LRRC7: variants seen among roughly 807,000 people sequenced by gnomAD.
LRRC7 encodes leucine-rich repeat-containing protein 7.
LRRC7 carries 23 observed loss-of-function variants against 175.7 expected under a neutral mutation model. The observed-to-expected ratio is 0.13, with a 90% CI of 0.09 to 0.19. The LOEUF (loss-of-function observed/expected upper bound fraction) is 0.19, where lower values mean the gene tolerates loss of function less well. Ranked by LOEUF, LRRC7 falls within the 10% of genes least tolerant of loss-of-function variation. The pLI, the probability that LRRC7 is intolerant of heterozygous loss-of-function variation, is 1.00. For synonymous variants in LRRC7, 685 were observed against 680.9 expected, an observed-to-expected ratio of 1.01 and a Z score of -0.09; for missense variants, 1,354 against 1,904.7, an observed-to-expected ratio of 0.71 and a Z score of 5.38.
At chr1:70,045,122 A>G (rs1174809785) in intron 22 of LRRC7, among the ~76,000 whole-genome samples, 1 of 152,098 alleles carries the variant, frequency 6.6e-6, no homozygotes, top group Non-Finnish European at 1.5e-5. Context: ...GTAGAATAAC[A>G]AAATCAAGAA....
In LRRC7 at chr1:70,111,639, T is replaced by C. The variant is rs1048302036; in HGVS notation, c.4620+3813T>C. On this transcript the variant is annotated intron_variant, in intron 26 of 26. Coordinates refer to ENST00000651989, the MANE Select transcript of LRRC7 (RefSeq NM_001370785.2). ...ATTATACATTTTATGATTCAAAATATATATGAATACAGAAAATCTAGTAAT... is the reference window on the plus strand; with the variant it reads ...ATTATACATTTTATGATTCAAAATACATATGAATACAGAAAATCTAGTAAT... 3.9e-5 allele frequency among the ~76,000 whole-genome samples: 6 copies of C among 152,166 alleles called. No homozygotes were observed. In the East Asian group the frequency reaches 9.6e-4, roughly 24 times the overall value.
At chr1:69,626,731 C>A (rs868437298) in intron 1 of LRRC7, among the ~76,000 whole-genome samples, 3 of 122,898 alleles carry the variant, frequency 2.4e-5, no homozygotes, top group South Asian at 3.2e-4. Flanking sequence ...CTCCTCCGCC[C>A]CCCCATGACA....
chr1:69,960,825 C>T (rs1303325657), intron 8 of LRRC7, among the ~76,000 whole-genome samples: 13 of 151,864 alleles, frequency 8.6e-5, no homozygotes. Context: ...GTTCAAGGAA[C>T]ATACCTCAAA....
chr1:69,962,775 G>A (rs1353245144), intron 8 of LRRC7, among the ~76,000 whole-genome samples: 2 of 152,042 alleles, frequency 1.3e-5, no homozygotes, highest in Non-Finnish European at 2.9e-5. Flanking sequence ...AGCTAAAAAT[G>A]AGAACACATG....
intron 23 of LRRC7, among the ~76,000 whole-genome samples, chr1:70,071,860 A>T (rs1662414407): frequency 6.6e-6 from 1 of 152,184 alleles, no homozygotes; most frequent in African/African-American, 2.4e-5. Context: ...TCTTTTTTAA[A>T]AGACCAGTGT....
chr1:70,102,201 G>A (rs925659679), intron 25 of LRRC7, among the ~76,000 whole-genome samples: 3 of 152,112 alleles, frequency 2.0e-5, no homozygotes, highest in Admixed American at 2.0e-4. Flanking sequence ...CATTTAGAAA[G>A]CCCTCCAGAT....
intron 1 of LRRC7, among the ~76,000 whole-genome samples, chr1:69,606,371 C>A (rs1261480114): frequency 2.0e-5 from 3 of 152,012 alleles, no homozygotes; most frequent in Non-Finnish European, 4.4e-5. Flanking sequence ...AGGATGAACC[C>A]TCCTCTAAAT....
At chr1:69,653,023 C>T (rs1656085871) in intron 1 of LRRC7, among the ~76,000 whole-genome samples, 1 of 151,984 alleles carries the variant, frequency 6.6e-6, no homozygotes, top group Non-Finnish European at 1.5e-5. Flanking sequence ...AAGCTTCTTG[C>T]CAATTGGTCT....
intron 7 of LRRC7, among the ~76,000 whole-genome samples, chr1:69,853,441 G>A (rs991642732): frequency 4.0e-5 from 6 of 151,720 alleles, no homozygotes; most frequent in Admixed American, 1.3e-4. Context: ...ACCACACCCC[G>A]CTAATTTTTG....
At chr1:70,046,076 A>G (rs1473994079) in intron 22 of LRRC7, among the ~76,000 whole-genome samples, 1 of 152,122 alleles carries the variant, frequency 6.6e-6, no homozygotes, top group Non-Finnish European at 1.5e-5. Flanking sequence ...GGCATGATGG[A>G]AGCTATTGCC....
intron 22 of LRRC7, among the ~76,000 whole-genome samples, chr1:70,050,031 A>C (rs1427935618): frequency 6.6e-6 from 1 of 152,056 alleles, no homozygotes; most frequent in African/African-American, 2.4e-5. Context: ...CATACTGTAC[A>C]CCCATCAATT....
At chr1:69,680,892 T>C (rs1660401886) in intron 2 of LRRC7, among the ~76,000 whole-genome samples, 1 of 152,062 alleles carries the variant, frequency 6.6e-6, no homozygotes, top group South Asian at 2.1e-4. Context: ...GAGATATTTA[T>C]ATTAAGTAGT....
Position 69,764,730 on chromosome 1 carries a change from C to CAGACAGATAGATAGATAGAT in LRRC7, c.303+4340_303+4341insCAGATAGATAGATAGATAGA, listed in dbSNP as rs1377304958. ...ATAGATAGGTAGGTAGATAGATAGA[C>CAGACAGATAGATAGATAGAT]AGATAGATAGATAGATAGATAGATA... On this transcript the variant is annotated intron_variant, in intron 3 of 26. Coordinates refer to ENST00000651989, the MANE Select transcript of LRRC7 (RefSeq NM_001370785.2). Among the ~76,000 whole-genome samples the CAGACAGATAGATAGATAGAT allele has an allele frequency of 2.0e-3, 282 of 140,408 alleles. 2 individuals are homozygous for CAGACAGATAGATAGATAGAT. The highest frequency in any genetic ancestry group is 6.7e-3 in the East Asian group (31 of 4,594). The allele number at this position is 140,408 out of a possible 152,430, so 92.1% of individuals were successfully genotyped here. A position where few individuals can be genotyped will look rare whatever the true frequency, so the allele number is the denominator to read the frequency against.
At chr1:69,787,375 T>C (rs1174220247) in intron 3 of LRRC7, among the ~76,000 whole-genome samples, 1 of 152,062 alleles carries the variant, frequency 6.6e-6, no homozygotes, top group Admixed American at 6.5e-5. Flanking sequence ...CACTAGGGGG[T>C]GCCCAAGGAG....
intron 7 of LRRC7, chr1:69,873,662 C>A: frequency 2.9e-6 from 1 of 346,366 alleles, no homozygotes; most frequent in South Asian, 2.4e-5. Context: ...GCGCTACCTG[C>A]TGATGGGGGC....
At chr1:69,986,467 A>G (rs1653943797) in intron 10 of LRRC7, 81 bp downstream of exon 10, 4 of 1,191,370 alleles carry the variant, frequency 3.4e-6, no homozygotes, top group Admixed American at 2.3e-5. Flanking sequence ...GTCTATAGAT[A>G]TAGGTAATAT....
intron 4 of LRRC7, among the ~76,000 whole-genome samples, chr1:69,813,189 T>C (rs781141354): frequency 6.6e-5 from 10 of 152,110 alleles, no homozygotes; most frequent in Non-Finnish European, 1.5e-4. Context: ...TCAAATTCTA[T>C]AGTCAATTAT....
At chr1:69,718,121 GAAAGAAAAGAAAGAA>G (rs1665865131) in intron 2 of LRRC7, among the ~76,000 whole-genome samples, 1 of 61,222 alleles carries the variant, frequency 1.6e-5, no homozygotes, top group Non-Finnish European at 3.0e-5. Flanking sequence ...AAGAAAGAAA[GAAAGAAAAGAAAGAA>G]AGAGAGAGAA....
At chr1:69,656,933 A>G (rs1557554632) in intron 1 of LRRC7, among the ~76,000 whole-genome samples, 1 of 151,862 alleles carries the variant, frequency 6.6e-6, no homozygotes, top group Non-Finnish European at 1.5e-5. Context: ...CCCTTATTAC[A>G]TTATAATTAT....
Sources: allele counts gnomAD v4.1 joint callset (sites outside exome capture counted in the v4.1 genomes callset), GRCh38; gene constraint gnomAD v4.1.1; transcripts MANE v1.5; gene names NCBI Gene and HGNC (gene_info 2026-07-23, HGNC 2026-07-21).